Variants in CSMD1 observed in about 807,000 individuals in gnomAD.
The protein encoded by CSMD1 is CUB and Sushi multiple domains 1.
CSMD1 carries 213 observed loss-of-function variants against 417.5 expected under a neutral mutation model. The ratio of observed to expected loss-of-function variants is 0.51; its 90% CI spans 0.46 to 0.57. The LOEUF (loss-of-function observed/expected upper bound fraction) is 0.57. Ranked by LOEUF, CSMD1 falls within the 20% of genes least tolerant of loss-of-function variation. The probability of loss-of-function intolerance (pLI) is 0.00; values close to 1 mark genes in which losing one functional copy is unlikely to be tolerated. For missense variants in CSMD1, 6,923 were observed against 4,529.7 expected, an observed-to-expected ratio of 1.53 and a Z score of -15.17; for synonymous variants, 2,862 against 1,736.8, an observed-to-expected ratio of 1.65 and a Z score of -16.11.
At chr8:3,009,388 G>A (rs1808210445) in intron 52 of CSMD1, among the ~76,000 whole-genome samples, 2 of 152,174 alleles carry the variant, frequency 1.3e-5, no homozygotes, top group Non-Finnish European at 2.9e-5. Flanking sequence ...GGGCCTGTAG[G>A]GGAATACAAT....
chr8:4,518,840 T>C (rs1309096649), intron 2 of CSMD1, among the ~76,000 whole-genome samples: 1 of 152,084 alleles, frequency 6.6e-6, no homozygotes, highest in African/African-American at 2.4e-5. Context: ...TATAGGAGAT[T>C]ATTCGGCATG....
At chr8:4,042,205 C>T (rs764258657) in intron 3 of CSMD1, among the ~76,000 whole-genome samples, 10 of 152,088 alleles carry the variant, frequency 6.6e-5, no homozygotes, top group Non-Finnish European at 1.2e-4. Context: ...ATGCAAAGAA[C>T]ATGAAGAGCA....
chr8:3,137,840 G>T (rs1818196990), intron 41 of CSMD1, among the ~76,000 whole-genome samples: 1 of 152,208 alleles, frequency 6.6e-6, no homozygotes, highest in Non-Finnish European at 1.5e-5. Context: ...AGAACTCATG[G>T]ATGCAGAGGG....
intron 5 of CSMD1, among the ~76,000 whole-genome samples, chr8:3,862,353 T>C (rs1343086471): frequency 6.6e-6 from 1 of 152,178 alleles, no homozygotes; most frequent in Non-Finnish European, 1.5e-5. Flanking sequence ...TCACTTTGCT[T>C]CCTCAGATTT....
At chr8:4,654,410 G>C (rs1804097461) in intron 1 of CSMD1, among the ~76,000 whole-genome samples, 1 of 152,084 alleles carries the variant, frequency 6.6e-6, no homozygotes, top group Non-Finnish European at 1.5e-5. Flanking sequence ...TGGGGAAGTA[G>C]AGCAAATTCT....
intron 9 of CSMD1, among the ~76,000 whole-genome samples, chr8:3,575,471 G>C (rs558191606): frequency 2.0e-5 from 3 of 152,122 alleles, no homozygotes; most frequent in African/African-American, 4.8e-5. Context: ...AAGATAGAGG[G>C]AAAGGCACCG....
chr8:4,895,252 C>A (rs1804403199), intron 1 of CSMD1, among the ~76,000 whole-genome samples: 2 of 152,092 alleles, frequency 1.3e-5, no homozygotes, highest in Non-Finnish European at 2.9e-5. Context: ...CAGAGATGAA[C>A]AATTTCTGAC....
intron 5 of CSMD1, among the ~76,000 whole-genome samples, chr8:3,844,606 G>T (rs79441262): frequency 2.6e-5 from 4 of 152,098 alleles, no homozygotes; most frequent in Non-Finnish European, 5.9e-5. Context: ...AGGCAAGGGG[G>T]TGTCCTCCCA....
Position 2,963,290 on chromosome 8 carries a change from A to G in CSMD1, c.9386T>C (p.Leu3129Pro), listed in dbSNP as rs200533580. 2.7e-5 allele frequency: 44 copies of G among 1,613,812 alleles called. No individual in the cohort carries two copies. The African/African-American group carries it at 3.6e-4, about 13-fold the overall frequency. ...ISYSCMDGYQ[L>P]SHSAILSCEG... Reference sequence around the variant, plus strand: ...ACAGGAGAGGATGGCGGAGTGAGAGAGCTGGTAACCGTCCATGCAGCTGTA... The same window carrying G: ...ACAGGAGAGGATGGCGGAGTGAGAGGGCTGGTAACCGTCCATGCAGCTGTA... Residue 3129 changes from leucine to proline, a missense_variant, in exon 60 of 70, where the codon CTC (leucine) becomes CCC (proline). By Grantham distance (98) the Leu-to-Pro change is moderately conservative. Transcript: ENST00000635120.
At chr8:4,350,748 C>A (rs928954480) in intron 3 of CSMD1, among the ~76,000 whole-genome samples, 3 of 152,162 alleles carry the variant, frequency 2.0e-5, no homozygotes, top group South Asian at 2.1e-4. Context: ...TTCTCTAAAT[C>A]CAGTGGCAGC....
At chr8:3,120,708 G>GC (rs1436491975) in intron 41 of CSMD1, among the ~76,000 whole-genome samples, 4 of 151,542 alleles carry the variant, frequency 2.6e-5, no homozygotes, top group Non-Finnish European at 4.4e-5. Flanking sequence ...TTAGCCAGGG[G>GC]GGGTGACCGG....
At chr8:4,517,086 T>C (rs553519455) in intron 2 of CSMD1, among the ~76,000 whole-genome samples, 3 of 152,344 alleles carry the variant, frequency 2.0e-5, no homozygotes, top group African/African-American at 4.8e-5. Flanking sequence ...GAAATTTAAA[T>C]TATGTTTTCA....
chr8:4,066,971 G>GTA (rs576098431), intron 3 of CSMD1, among the ~76,000 whole-genome samples: 56 of 152,348 alleles, frequency 3.7e-4, no homozygotes, highest in African/African-American at 1.3e-3. Flanking sequence ...AACCTAATGA[G>GTA]TATATTCTAA....
At chr8:3,610,378 T>C (rs1030867642) in intron 8 of CSMD1, among the ~76,000 whole-genome samples, 11 of 152,104 alleles carry the variant, frequency 7.2e-5, no homozygotes, top group Non-Finnish European at 1.5e-4. Flanking sequence ...ACAAAAATCT[T>C]TTAACAAATT....
At chr8:3,785,800 C>T (rs972943048) in intron 5 of CSMD1, among the ~76,000 whole-genome samples, 11 of 152,108 alleles carry the variant, frequency 7.2e-5, no homozygotes, top group African/African-American at 9.7e-5. Context: ...GTCCAGGCTG[C>T]GGAAGAGCTA....
chr8:4,279,356 C>A (rs548529876), intron 3 of CSMD1, among the ~76,000 whole-genome samples: 3 of 152,154 alleles, frequency 2.0e-5, no homozygotes, highest in Non-Finnish European at 4.4e-5. Flanking sequence ...AGGTGGCAAA[C>A]GGACATCTCA....
chr8:3,867,654 A>G lies in CSMD1; in HGVS notation c.819-113612T>C, dbSNP rs565058693. Among the ~76,000 whole-genome samples the G allele has an allele frequency of 1.8e-3, 279 of 152,278 alleles. 1 individual carries two copies. The highest frequency in any genetic ancestry group is 1.7e-3 in the Non-Finnish European group (115 of 68,024). On this transcript the variant is annotated intron_variant, in intron 5 of 69. Coordinates refer to ENST00000635120, the MANE Select transcript of CSMD1 (RefSeq NM_033225.6). The stretch of plus-strand genomic sequence containing the variant: ...TTATATATCTATATCTATGTATAGT[A>G]TCTTGGTTAATCTTCACAGAAACCT...
intron 5 of CSMD1, among the ~76,000 whole-genome samples, chr8:3,913,592 G>A (rs1432681437): frequency 1.3e-5 from 2 of 152,270 alleles, no homozygotes; most frequent in South Asian, 2.1e-4. Context: ...CAGTGCATTT[G>A]CCCACAGATC....
At chr8:4,287,545 G>C in intron 3 of CSMD1, among the ~76,000 whole-genome samples, 1 of 152,052 alleles carries the variant, frequency 6.6e-6, no homozygotes, top group African/African-American at 2.4e-5. Flanking sequence ...TATCGTTATA[G>C]ATAACAAAGA....
Sources: allele counts gnomAD v4.1 joint callset (sites outside exome capture counted in the v4.1 genomes callset), GRCh38; gene constraint gnomAD v4.1.1; transcripts MANE v1.5; gene names NCBI Gene and HGNC (gene_info 2026-07-23, HGNC 2026-07-21).